PARG: variants seen among roughly 807,000 people sequenced by gnomAD.
The protein encoded by PARG is mitochondrial poly(ADP-ribose) glycohydrolase.
In PARG, 35 loss-of-function variants were observed where a neutral mutation model predicts 113.0. The observed-to-expected ratio is 0.31, with a 90% CI of 0.24 to 0.41. The LOEUF is 0.41. PARG is among the 10% of genes least tolerant of loss of function. The probability of loss-of-function intolerance (pLI) is 1.00; values close to 1 mark genes in which losing one functional copy is unlikely to be tolerated. For missense variants in PARG, 797 were observed against 1,169.4 expected, an observed-to-expected ratio of 0.68 and a Z score of 4.64; for synonymous variants, 330 against 409.9, an observed-to-expected ratio of 0.81 and a Z score of 2.36.
chr10:49,904,933 T>TAAAC (rs1848506778), intron 7 of PARG, among the ~76,000 whole-genome samples: 2 of 151,414 alleles, frequency 1.3e-5, no homozygotes. Context: ...AATAAATAAA[T>TAAAC]AAATAAATAA....
intron 9 of PARG, among the ~76,000 whole-genome samples, chr10:49,874,500 G>T (rs1357726849): frequency 6.6e-6 from 1 of 152,116 alleles, no homozygotes; most frequent in Non-Finnish European, 1.5e-5. Flanking sequence ...TCGCCAAGAA[G>T]CCCCAGACTT....
At chr10:49,896,403 G>A (rs187465960) in intron 7 of PARG, among the ~76,000 whole-genome samples, 1,981 of 152,222 alleles carry the variant, frequency 0.013, 38 homozygotes, top group African/African-American at 0.044. Context: ...TCCTGCCTCA[G>A]CCTCCCAAGT....
chr10:49,886,422 A>T (rs1232559360), intron 7 of PARG, among the ~76,000 whole-genome samples: 2 of 152,214 alleles, frequency 1.3e-5, no homozygotes, highest in African/African-American at 4.8e-5. Flanking sequence ...TAACACTAAG[A>T]ATTTTCTTTA....
At chr10:49,847,134 C>T (rs1554833473) in intron 13 of PARG, among the ~76,000 whole-genome samples, 1 of 151,442 alleles carries the variant, frequency 6.6e-6, no homozygotes, top group Non-Finnish European at 1.5e-5. Context: ...TAAGTATACA[C>T]AAATAAGGAA....
chr10:49,915,460 T>C (rs192215619), intron 7 of PARG, among the ~76,000 whole-genome samples: 1 of 152,234 alleles, frequency 6.6e-6, no homozygotes, highest in East Asian at 1.9e-4. Flanking sequence ...ATGACAAAAG[T>C]TTTTAAAAGA....
At chr10:49,895,232 T>C (rs1256509776) in intron 7 of PARG, among the ~76,000 whole-genome samples, 6 of 152,216 alleles carry the variant, frequency 3.9e-5, no homozygotes, top group Admixed American at 1.3e-4. Context: ...GTAGTCTTAT[T>C]GTAAGTATCC....
chr10:49,847,644 A>G (rs1588893259), intron 13 of PARG, among the ~76,000 whole-genome samples: 1 of 150,406 alleles, frequency 6.6e-6, no homozygotes, highest in East Asian at 1.9e-4. Context: ...CTAATTGAAG[A>G]CTGGAAAGAA....
At chr10:49,927,031 G>A (rs1262437774) in intron 4 of PARG, among the ~76,000 whole-genome samples, 7 of 152,196 alleles carry the variant, frequency 4.6e-5, no homozygotes, top group South Asian at 4.2e-4. Context: ...AACCTGGGCC[G>A]GGGGTGGTGG....
At chr10:49,928,026 C>T (rs1554851130) in intron 4 of PARG, among the ~76,000 whole-genome samples, 1 of 150,918 alleles carries the variant, frequency 6.6e-6, no homozygotes, top group African/African-American at 2.4e-5. Flanking sequence ...AATCCCAGCA[C>T]ATTGGGGGGC....
intron 4 of PARG, among the ~76,000 whole-genome samples, chr10:49,926,340 T>C (rs1160520747): frequency 1.3e-5 from 2 of 151,828 alleles, no homozygotes; most frequent in South Asian, 4.2e-4. Context: ...CTATCTAGCC[T>C]TGAGAAGTAA....
chr10:49,868,291 G>A (rs1252734671), intron 10 of PARG, among the ~76,000 whole-genome samples: 3 of 152,126 alleles, frequency 2.0e-5, no homozygotes, highest in East Asian at 3.9e-4. Context: ...CTGGCCTTAC[G>A]TAGTCATCTT....
intron 6 of PARG, among the ~76,000 whole-genome samples, chr10:49,917,583 G>C (rs1837568174): frequency 6.6e-6 from 1 of 151,618 alleles, no homozygotes; most frequent in Admixed American, 6.6e-5. Context: ...CACTCCGGGA[G>C]GCCGAGGCAG....
Position 49,832,848 on chromosome 10 carries a change from C to T in PARG, c.2602G>A (p.Gly868Arg). The T allele has an allele frequency of 6.4e-7, 1 of 1,550,820 alleles. No homozygotes were observed. The highest frequency in any genetic ancestry group is 8.7e-7 in the Non-Finnish European group (1 of 1,146,294). ...CCAAAGGCACCACAGCCCCAGTTTCCTGTGGCCACTGCAGAAAGATTCTCT... is the reference window on the plus strand; with the variant it reads ...CCAAAGGCACCACAGCCCCAGTTTCTTGTGGCCACTGCAGAAAGATTCTCT... ...SSENLSAVAT[G>R]NWGCGAFGGD... The change falls in exon 16 of 18, where the codon GGA becomes AGA. Residue 868 changes from glycine to arginine, a missense_variant. This residue lies in a region of PARG where 194 missense variants were observed against 247.1 expected (regional missense o/e 0.79). Transcript: ENST00000616448.
chr10:49,845,698 A>G (rs1338163611), intron 13 of PARG, among the ~76,000 whole-genome samples: 1 of 151,788 alleles, frequency 6.6e-6, no homozygotes, highest in Non-Finnish European at 1.5e-5. Context: ...GTAGTTCGAG[A>G]CCAGCCTAGC....
At position 49,941,898 on chromosome 10, in the gene PARG, A is replaced by T; in HGVS notation, c.-173T>A. On this transcript the variant is annotated 5_prime_UTR_variant, in exon 1 of 18. Transcript: ENST00000616448. ...GCCGGCCTCCCAAGTCAGGCCGTAA[A>T]CACTCGCCTGCCTTCCCTCTTCCAC... The T allele has an allele frequency of 8.2e-7, 1 of 1,226,080 alleles. No homozygotes were observed. The highest frequency in any genetic ancestry group is 1.2e-6 in the Non-Finnish European group (1 of 862,168). 76.0% of individuals were successfully genotyped at this position (1,226,080 alleles called of 1,614,324 possible).
At chr10:49,833,974 T>C (rs1442030150) in intron 15 of PARG, among the ~76,000 whole-genome samples, 2 of 152,148 alleles carry the variant, frequency 1.3e-5, no homozygotes, top group Non-Finnish European at 2.9e-5. Context: ...GTATAAAAAT[T>C]TATTTTACAG....
intron 7 of PARG, among the ~76,000 whole-genome samples, chr10:49,900,498 T>C (rs1848303123): frequency 6.6e-6 from 1 of 151,966 alleles, no homozygotes; most frequent in African/African-American, 2.4e-5. Flanking sequence ...CTACACAAAC[T>C]TCATTAAACA....
At chr10:49,935,444 G>T (rs1838699116) in intron 1 of PARG, among the ~76,000 whole-genome samples, 2 of 152,184 alleles carry the variant, frequency 1.3e-5, no homozygotes, top group Non-Finnish European at 2.9e-5. Flanking sequence ...ACTCTGTGAG[G>T]GGTCATTTCT....
chr10:49,911,282 C>CAA (rs1210324104), intron 7 of PARG, among the ~76,000 whole-genome samples: 129 of 88,234 alleles, frequency 1.5e-3, no homozygotes, highest in African/African-American at 4.9e-3. Context: ...GACTGTGTCT[C>CAA]AAAAAAAAAA....
Sources: allele counts gnomAD v4.1 joint callset (sites outside exome capture counted in the v4.1 genomes callset), GRCh38; gene constraint gnomAD v4.1.1; regional missense constraint gnomAD v4.1.1; transcripts MANE v1.5; gene names NCBI Gene and HGNC (gene_info 2026-07-23, HGNC 2026-07-21).